Variants in MTBP observed in about 807,000 individuals in gnomAD.
The protein encoded by MTBP is mdm2-binding protein.
A neutral mutation model predicts 117.0 loss-of-function variants in MTBP; 101 were observed. That is an observed-to-expected ratio of 0.86 (90% confidence interval 0.73 to 1.02). The LOEUF is 1.02. Among genes scored for constraint, MTBP ranks in the 50% least tolerant of loss-of-function variants. MTBP has a pLI of 0.00. For synonymous variants in MTBP, 350 were observed against 351.5 expected, an observed-to-expected ratio of 1.00 and a Z score of 0.05; for missense variants, 970 against 1,030.9, an observed-to-expected ratio of 0.94 and a Z score of 0.81.
rs2130584180 is a variant in MTBP, at chr8:120,490,516, C to G, written c.1393C>G (p.Gln465Glu). The G allele has an allele frequency of 6.2e-7, 1 of 1,608,688 alleles. No homozygotes were observed. Among genetic ancestry groups the G allele is most frequent in the South Asian group, 1.1e-5 (1 of 89,392 alleles). The stretch of plus-strand genomic sequence containing the variant: ...ACATTTTTCTGGGGAGCAGATTGTA[C>G]AGAGAGAGAAACAGTTAGCTAATGT... Reference protein sequence around the residue: ...LPHFSGEQIVQREKQLANVQV... With the variant: ...LPHFSGEQIVEREKQLANVQV... The change falls in exon 13 of 22, where the codon CAG (glutamine) becomes GAG (glutamate). Residue 465 changes from glutamine to glutamate, a missense_variant. Physicochemically the swap from Gln to Glu is conservative, Grantham distance 29. Transcript: ENST00000305949.
At chr8:120,487,800 A>G (rs1001634432) in intron 11 of MTBP, among the ~76,000 whole-genome samples, 1 of 152,222 alleles carries the variant, frequency 6.6e-6, no homozygotes, top group Non-Finnish European at 1.5e-5. Flanking sequence ...TTCTGCTCCC[A>G]CCAATTAAGT....
chr8:120,486,843 T>C (rs927731391), intron 11 of MTBP, among the ~76,000 whole-genome samples: 8 of 152,198 alleles, frequency 5.3e-5, no homozygotes. Flanking sequence ...CTCCAATCTG[T>C]CCAACGTGCT....
chr8:120,518,927 C>T (rs1043926851), intron 20 of MTBP, 110 bp downstream of exon 20: 6 of 595,516 alleles, frequency 1.0e-5, no homozygotes, highest in African/African-American at 9.5e-5. Flanking sequence ...TACTTGCTGC[C>T]AGATTTATTA....
intron 11 of MTBP, among the ~76,000 whole-genome samples, chr8:120,475,486 C>A (rs1813913672): frequency 6.6e-6 from 1 of 151,816 alleles, no homozygotes; most frequent in Admixed American, 6.6e-5. Flanking sequence ...AGGTTTCATC[C>A]TTTGATGAAA....
chr8:120,502,149 TAC>T (rs1215125105), intron 14 of MTBP, among the ~76,000 whole-genome samples: 1 of 152,230 alleles, frequency 6.6e-6, no homozygotes, highest in Non-Finnish European at 1.5e-5. Flanking sequence ...ATATATTCTC[TAC>T]AGAGTTATCT....
rs144178017 is a variant in MTBP at position 120,491,992 on chromosome 8, T to C, written c.1447+1422T>C. Among the ~76,000 whole-genome samples, 4 of 151,402 alleles carry C rather than the reference T, an allele frequency of 2.6e-5. No homozygotes were observed. The East Asian group carries it at 7.8e-4, about 29-fold the overall frequency. On this transcript the variant is annotated intron_variant, in intron 13 of 21. Transcript: ENST00000305949. ...GAGTTGGTGAGAGGGCAGGAGAGAG[T>C]ACAGAAATGCTAAAAATAAAAAAAA... is the stretch of plus-strand genomic sequence containing the variant.
chr8:120,478,497 A>C (rs142172836), intron 11 of MTBP, among the ~76,000 whole-genome samples: 36 of 152,302 alleles, frequency 2.4e-4, no homozygotes, highest in Admixed American at 2.2e-3. Context: ...TGACAATTTT[A>C]TAATTCTAGA....
intron 4 of MTBP, chr8:120,451,558 C>T: frequency 2.5e-6 from 1 of 399,642 alleles, no homozygotes. Context: ...AAACATGTTC[C>T]TTTCTTGAAG....
At chr8:120,482,328 T>C (rs889144076) in intron 11 of MTBP, among the ~76,000 whole-genome samples, 6 of 152,206 alleles carry the variant, frequency 3.9e-5, no homozygotes, top group African/African-American at 1.4e-4. Flanking sequence ...GTACTACTAC[T>C]TCCTTATTGT....
chr8:120,482,937 G>A (rs1814122026), intron 11 of MTBP, among the ~76,000 whole-genome samples: 1 of 151,558 alleles, frequency 6.6e-6, no homozygotes, highest in South Asian at 2.1e-4. Flanking sequence ...CTGACCTCGT[G>A]ATCCATCCAC....
chr8:120,477,034 G>T (rs1407136940), intron 11 of MTBP, among the ~76,000 whole-genome samples: 1 of 152,152 alleles, frequency 6.6e-6, no homozygotes, highest in African/African-American at 2.4e-5. Context: ...AAACAGCATG[G>T]TGCTGGTACC....
intron 13 of MTBP, among the ~76,000 whole-genome samples, chr8:120,496,502 C>T (rs1814461184): frequency 6.6e-6 from 1 of 152,052 alleles, no homozygotes; most frequent in South Asian, 2.1e-4. Context: ...CTAACTCCAC[C>T]CCTTGCTATC....
intron 21 of MTBP, 101 bp from the exon 22 acceptor site, chr8:120,523,197 G>T: frequency 2.5e-6 from 2 of 785,820 alleles, no homozygotes; most frequent in South Asian, 1.8e-5. Flanking sequence ...CTTTTTATTT[G>T]AAATTTTCTA....
intron 11 of MTBP, 68 bp from the exon 12 acceptor site, chr8:120,488,091 A>T: frequency 7.7e-7 from 1 of 1,295,736 alleles, no homozygotes; most frequent in Non-Finnish European, 1.0e-6. Flanking sequence ...CTATGGATCA[A>T]ATGTATGGTT....
intron 4 of MTBP, chr8:120,451,952 T>G (rs533468064): frequency 6.6e-6 from 1 of 152,332 alleles, no homozygotes; most frequent in Non-Finnish European, 1.5e-5. Context: ...TACCAAAGTA[T>G]CATTTTCATT....
At chr8:120,477,968 G>T (rs1218497974) in intron 11 of MTBP, among the ~76,000 whole-genome samples, 1 of 152,156 alleles carries the variant, frequency 6.6e-6, no homozygotes, top group African/African-American at 2.4e-5. Flanking sequence ...GCTTATTGCT[G>T]CACTATTCAC....
intron 17 of MTBP, among the ~76,000 whole-genome samples, chr8:120,514,040 T>A (rs1814869201): frequency 6.6e-6 from 1 of 151,904 alleles, no homozygotes. Context: ...TCAGTCCTAG[T>A]TATAATTTAG....
chr8:120,450,476 C>G (rs4469500), intron 2 of MTBP, among the ~76,000 whole-genome samples: 84,738 of 151,934 alleles, frequency 0.56, 25,680 homozygotes, highest in Non-Finnish European at 0.67. Flanking sequence ...CTTTATGACT[C>G]CTTGACACAT....
intron 13 of MTBP, among the ~76,000 whole-genome samples, chr8:120,496,911 G>C (rs1039723706): frequency 6.6e-6 from 1 of 152,034 alleles, no homozygotes; most frequent in Admixed American, 6.5e-5. Context: ...TGCAGACTCC[G>C]TTACCACTCG....
Sources: allele counts gnomAD v4.1 joint callset (sites outside exome capture counted in the v4.1 genomes callset), GRCh38; gene constraint gnomAD v4.1.1; transcripts MANE v1.5; gene names NCBI Gene and HGNC (gene_info 2026-07-23, HGNC 2026-07-21).